The following DYM variants were observed in gnomAD, a reference collection of about 807,000 sequenced individuals.
DYM encodes the protein dyggve-Melchior-Clausen syndrome protein.
A neutral mutation model predicts 93.1 loss-of-function variants in DYM; 78 were observed. The ratio of observed to expected loss-of-function variants is 0.84; its 90% confidence interval spans 0.70 to 1.01. The LOEUF is 1.01. DYM is among the 50% of genes least tolerant of loss of function. The probability of loss-of-function intolerance (pLI) is 0.00; values close to 1 mark genes in which losing one functional copy is unlikely to be tolerated. For missense variants in DYM, 789 were observed against 845.0 expected, an observed-to-expected ratio of 0.93 and a Z score of 0.82; for synonymous variants, 321 against 319.7, an observed-to-expected ratio of 1.00 and a Z score of -0.04.
intron 5 of DYM, among the ~76,000 whole-genome samples, chr18:49,365,042 T>C (rs1465641351): frequency 6.6e-6 from 1 of 152,160 alleles, no homozygotes; most frequent in African/African-American, 2.4e-5. Flanking sequence ...TAGAGGATGA[T>C]GACTCACAAA....
chr18:49,135,039 C>T (rs1422419779), intron 15 of DYM, among the ~76,000 whole-genome samples: 3 of 151,782 alleles, frequency 2.0e-5, no homozygotes, highest in Non-Finnish European at 2.9e-5. Context: ...ATCCGGGAGG[C>T]GGAGGTTGCA....
At chr18:49,240,851 C>A (rs915420003) in intron 13 of DYM, among the ~76,000 whole-genome samples, 2 of 152,146 alleles carry the variant, frequency 1.3e-5, no homozygotes, top group African/African-American at 4.8e-5. Flanking sequence ...CAGAAAATAT[C>A]AAAAAGATGT....
rs2095001042 is a variant in DYM, at chr18:49,282,171, G to A, written c.951C>T (p.Ser317=). The change falls in exon 10 of 18, where the codon AGC becomes AGT. Residue 317 remains serine (S), a synonymous_variant. Transcript: ENST00000675505. The part of the protein sequence containing the change: ...AIMSFKNTQD[S]SPFPSSIPHA... ...GTGGAATTGATGAGGGGAAAGGACT[G>A]CTATCTGGAATACAGAAAACAGCAC... 5 of 1,613,540 alleles carry A rather than the reference G, an allele frequency of 3.1e-6. No homozygotes were observed. In the South Asian group the frequency reaches 4.4e-5, roughly 14 times the overall value.
At chr18:49,081,375 G>A (rs1258749902) in intron 17 of DYM, among the ~76,000 whole-genome samples, 6 of 151,680 alleles carry the variant, frequency 4.0e-5, no homozygotes, top group South Asian at 2.1e-4. Context: ...GTGGTGGCGC[G>A]TGCCTGCAAT....
At chr18:49,179,683 T>C (rs183713216) in intron 14 of DYM, among the ~76,000 whole-genome samples, 234 of 152,242 alleles carry the variant, frequency 1.5e-3, no homozygotes, top group Non-Finnish European at 3.0e-3. Flanking sequence ...TAGATATTAC[T>C]ATCCCTATTT....
intron 17 of DYM, among the ~76,000 whole-genome samples, chr18:49,090,078 G>C (rs900821702): frequency 6.6e-5 from 10 of 152,156 alleles, no homozygotes; most frequent in African/African-American, 2.4e-4. Context: ...AGGACTAAAT[G>C]GTTCTAAGAA....
intron 14 of DYM, among the ~76,000 whole-genome samples, chr18:49,184,691 C>T (rs1291545437): frequency 6.6e-6 from 1 of 152,168 alleles, no homozygotes; most frequent in Non-Finnish European, 1.5e-5. Context: ...GGATGATTCG[C>T]ATTCCAGGTG....
chr18:49,287,192 T>A (rs1038821203), intron 8 of DYM, among the ~76,000 whole-genome samples: 2 of 151,684 alleles, frequency 1.3e-5, no homozygotes, highest in East Asian at 1.9e-4. Context: ...TCTCAAAAAA[T>A]AATAATAATA....
intron 13 of DYM, among the ~76,000 whole-genome samples, chr18:49,252,131 T>C (rs1440703286): frequency 7.1e-6 from 1 of 139,870 alleles, no homozygotes; most frequent in Non-Finnish European, 1.5e-5. Flanking sequence ...GGCAGGAGAG[T>C]TGCTTGAACC....
chr18:49,108,248 G>T (rs536252826), intron 16 of DYM, among the ~76,000 whole-genome samples: 1 of 152,190 alleles, frequency 6.6e-6, no homozygotes, highest in East Asian at 1.9e-4. Flanking sequence ...TGCTAAGACC[G>T]TTGGAAAAGC....
At chr18:49,365,137 C>G (rs981052757) in intron 5 of DYM, among the ~76,000 whole-genome samples, 3 of 151,656 alleles carry the variant, frequency 2.0e-5, no homozygotes, top group Non-Finnish European at 4.4e-5. Flanking sequence ...AATTGCAAAG[C>G]ATCAAAGCAC....
chr18:49,445,506 C>T lies in DYM; in HGVS notation c.-54+14892G>A, dbSNP rs181926904. 3.4e-4 allele frequency among the ~76,000 whole-genome samples: 52 copies of T among 151,808 alleles called. 1 individual carries two copies. Among genetic ancestry groups the T allele is most frequent in the African/African-American group, 1.2e-3 (51 of 41,368 alleles). On this transcript the variant is annotated intron_variant, in intron 1 of 17. Coordinates refer to ENST00000675505, the MANE Select transcript of DYM (RefSeq NM_001353214.3). Reference sequence around the variant, plus strand: ...AAAAGATAAAAGTTAAGGGAACTCCCATAATAAAGAACAAGAGGACAAATA... The same window carrying T: ...AAAAGATAAAAGTTAAGGGAACTCCTATAATAAAGAACAAGAGGACAAATA...
chr18:49,323,639 T>C (rs2062669731), intron 8 of DYM, among the ~76,000 whole-genome samples: 1 of 152,140 alleles, frequency 6.6e-6, no homozygotes, highest in African/African-American at 2.4e-5. Context: ...AAGTCAGGAA[T>C]AGGGTTCTAC....
At chr18:49,292,496 C>T (rs1599184936) in intron 8 of DYM, among the ~76,000 whole-genome samples, 1 of 148,694 alleles carries the variant, frequency 6.7e-6, no homozygotes, top group Admixed American at 7.0e-5. Flanking sequence ...GCCCATAATA[C>T]TGGACAAAGA....
intron 17 of DYM, among the ~76,000 whole-genome samples, chr18:49,045,086 T>C (rs960081535): frequency 3.3e-5 from 5 of 152,222 alleles, no homozygotes; most frequent in African/African-American, 1.2e-4. Flanking sequence ...CCTGGGCCTC[T>C]CCTTTGCCAA....
At chr18:49,249,627 C>G (rs1377044789) in intron 13 of DYM, among the ~76,000 whole-genome samples, 1 of 151,692 alleles carries the variant, frequency 6.6e-6, no homozygotes, top group African/African-American at 2.4e-5. Context: ...AATAGAGGAG[C>G]TGACCACGTA....
In DYM at chr18:49,292,351, G is replaced by GAC. The variant is rs1293664967; in HGVS notation, c.764-5737_764-5736dup. Among the ~76,000 whole-genome samples, 314 of 106,616 alleles carry GAC rather than the reference G, an allele frequency of 2.9e-3. 1 individual carries two copies. Among genetic ancestry groups the GAC allele is most frequent in the Middle Eastern group, 0.017 (4 of 240 alleles). The allele number at this position is 106,616 out of a possible 152,430, so 69.9% of individuals were successfully genotyped here. On this transcript the variant is annotated intron_variant, in intron 8 of 17. Transcript: ENST00000675505. ...AGGCAGGCAGGCAGACAGACAGACA[G>GAC]ACAGACACACACACACACACACACA...
At chr18:49,370,747 A>G (rs1424579455) in intron 5 of DYM, among the ~76,000 whole-genome samples, 2 of 152,262 alleles carry the variant, frequency 1.3e-5, no homozygotes, top group Non-Finnish European at 2.9e-5. Flanking sequence ...AGCCTGGGAA[A>G]GAGAGCAAGA....
At chr18:49,394,404 C>A (rs566924577) in intron 2 of DYM, among the ~76,000 whole-genome samples, 1 of 152,002 alleles carries the variant, frequency 6.6e-6, no homozygotes, top group Non-Finnish European at 1.5e-5. Context: ...TTTTTTTATA[C>A]CAGTACCATG....
Sources: allele counts gnomAD v4.1 joint callset (sites outside exome capture counted in the v4.1 genomes callset), GRCh38; gene constraint gnomAD v4.1.1; transcripts MANE v1.5; gene names NCBI Gene and HGNC (gene_info 2026-07-23, HGNC 2026-07-21).